The following PPP2R1B variants were observed in gnomAD, a reference collection of about 807,000 sequenced individuals.
PPP2R1B encodes serine/threonine-protein phosphatase 2A 65 kDa regulatory subunit A beta isoform.
In PPP2R1B, 58 loss-of-function variants were observed where a neutral mutation model predicts 72.7. The observed-to-expected ratio is 0.80, with a 90% CI of 0.65 to 0.99. The LOEUF (loss-of-function observed/expected upper bound fraction) is 0.99. Ranked by LOEUF, PPP2R1B falls within the 50% of genes least tolerant of loss-of-function variation. The pLI is 0.00. For missense variants in PPP2R1B, 695 were observed against 733.6 expected (o/e 0.95, Z 0.61); for synonymous variants, 256 against 264.6 (o/e 0.97, Z 0.32).
chr11:111,692,816 GT>G, the PPP2R1B span, among the ~76,000 whole-genome samples: 118 of 145,976 alleles, frequency 8.1e-4, no homozygotes, highest in Middle Eastern at 6.9e-3. Flanking sequence ...TTTTTTCTGG[GT>G]TTTTTTTTTG....
At chr11:111,714,856 C>A in the PPP2R1B span, among the ~76,000 whole-genome samples, 6 of 152,170 alleles carry the variant, frequency 3.9e-5, no homozygotes, top group Non-Finnish European at 8.8e-5. Context: ...TCTGTGGTTG[C>A]TACTACAGTC....
intron 10 of PPP2R1B, among the ~76,000 whole-genome samples, chr11:111,749,063 T>G (rs1250809936): frequency 2.0e-5 from 3 of 152,134 alleles, no homozygotes; most frequent in Non-Finnish European, 4.4e-5. Flanking sequence ...CAGGCTGGTC[T>G]CTTAACTCCT....
At chr11:111,723,588 C>G, downstream of PPP2R1B, 1 of 1,614,216 alleles carries the variant, frequency 6.2e-7, no homozygotes, top group Non-Finnish European at 8.5e-7. Context: ...TACCCACAGC[C>G]AAGTCAGCAG....
chr11:111,738,991 A>G lies in PPP2R1B; in HGVS notation c.*2605T>C. The G allele has an allele frequency of 1.0e-6, 1 of 985,302 alleles. No homozygotes were observed. Among genetic ancestry groups the G allele is most frequent in the Non-Finnish European group, 1.2e-6 (1 of 829,974 alleles). The allele number at this position is 985,302 out of a possible 1,614,324, so 61.0% of individuals were successfully genotyped here. ...TGCCAAGGATGAAAAACAACATTACATGTCTGAAGCAATCAGACAAATCCA... is the reference window on the plus strand; with the variant it reads ...TGCCAAGGATGAAAAACAACATTACGTGTCTGAAGCAATCAGACAAATCCA... On this transcript the variant is annotated 3_prime_UTR_variant, in exon 15 of 15. Transcript: ENST00000527614.
intron 11 of PPP2R1B, among the ~76,000 whole-genome samples, chr11:111,744,998 C>T (rs550289673): frequency 1.3e-5 from 2 of 151,976 alleles, no homozygotes; most frequent in South Asian, 2.1e-4. Context: ...CCTTCCCTGT[C>T]CTCCCCACTA....
chr11:111,742,784 G>A (rs1944570442), intron 12 of PPP2R1B, 119 bp from the exon 13 acceptor site: 1 of 898,042 alleles, frequency 1.1e-6, no homozygotes, highest in Non-Finnish European at 1.6e-6. Context: ...TCTAGTTTGA[G>A]CAGCTGAGTG....
At chr11:111,761,205 A>G in intron 3 of PPP2R1B, 154 bp from the exon 4 acceptor site, 2 of 762,094 alleles carry the variant, frequency 2.6e-6, no homozygotes, top group Non-Finnish European at 4.5e-6. Context: ...TCACACAGTG[A>G]TAACATATGG....
At chr11:111,762,608 T>G (rs1267958560) in intron 3 of PPP2R1B, among the ~76,000 whole-genome samples, 2 of 150,900 alleles carry the variant, frequency 1.3e-5, no homozygotes, top group Admixed American at 1.3e-4. Flanking sequence ...CAGGCTGAAG[T>G]GCAGTGGCAC....
chr11:111,701,026 G>GC, the PPP2R1B span: 4 of 1,611,884 alleles, frequency 2.5e-6, no homozygotes, highest in African/African-American at 5.3e-5. This position sits in a 1 kb window ranked among gnomAD's most constrained non-coding sequence, Gnocchi z 4.2. Context: ...GCTTTGCTTT[G>GC]CTGTGTTGTT....
In PPP2R1B at chr11:111,741,021, C is replaced by T. The variant is rs1457055469; in HGVS notation, c.*575G>A. 1.0e-6 allele frequency: 1 copy of T among 985,648 alleles called. No homozygotes were observed. The highest frequency in any genetic ancestry group is 1.7e-5 in the African/African-American group (1 of 57,230). The allele number at this position is 985,648 out of a possible 1,614,324, so 61.1% of individuals were successfully genotyped here. On this transcript the variant is annotated 3_prime_UTR_variant, in exon 15 of 15. Coordinates refer to ENST00000527614, the MANE Select transcript of PPP2R1B (RefSeq NM_002716.5). ...AAAATTGAGCAAATAAAAACCAAAA[C>T]AACCACTACATTAACCCTGAGCTTC...
chr11:111,726,926 G>C lies in PPP2R1B; in HGVS notation c.*39C>G, dbSNP rs755349475. On this transcript the variant is annotated 3_prime_UTR_variant, in exon 16 of 16. Transcript: ENST00000311129. ...TTCGGCAAAAAGTGCAATATGTGTG[G>C]TACTTTATTTTTTATGTTCTTTTTT... 2.3e-5 allele frequency: 37 copies of C among 1,595,956 alleles called. 1 individual carries two copies. In the South Asian group the frequency reaches 4.1e-4, roughly 18 times the overall value.
intron 3 of PPP2R1B, among the ~76,000 whole-genome samples, chr11:111,764,379 C>A (rs1295563642): frequency 1.3e-5 from 2 of 152,070 alleles, no homozygotes; most frequent in Non-Finnish European, 1.5e-5. Context: ...ACATTGTAAA[C>A]TATGATGTGT....
At chr11:111,700,411 G>C in the PPP2R1B span, among the ~76,000 whole-genome samples, 5 of 152,198 alleles carry the variant, frequency 3.3e-5, no homozygotes, top group African/African-American at 1.2e-4. Flanking sequence ...ACTGCACTCA[G>C]TTGCCTTCAA....
chr11:111,720,418 C>T, the PPP2R1B span: 1 of 1,485,398 alleles, frequency 6.7e-7, no homozygotes. Flanking sequence ...ATGCTTTGTA[C>T]CCTATGTTCC....
At chr11:111,761,261 C>T (rs937520587) in intron 3 of PPP2R1B, 10 of 671,876 alleles carry the variant, frequency 1.5e-5, no homozygotes, top group South Asian at 6.0e-5. Flanking sequence ...GCCAAGATCT[C>T]GTGTCCCAGA....
rs558941349 is a variant in PPP2R1B at position 111,766,268 on chromosome 11, G to T, written c.94C>A (p.Leu32Ile). ...AGTACCTGCACGTCTTCATTGCGGAGCTCGTCGATTAAAACCGCGATCGGG... is the reference window on the plus strand; with the variant it reads ...AGTACCTGCACGTCTTCATTGCGGATCTCGTCGATTAAAACCGCGATCGGG... ...LYPIAVLIDE[L>I]RNEDVQLRLN... Residue 32 changes from leucine to isoleucine, a missense_variant, in exon 1 of 15, where the codon CTC (leucine) becomes ATC (isoleucine). By Grantham distance (5) the Leu-to-Ile change is conservative (BLOSUM62 2). Transcript: ENST00000527614. The T allele has an allele frequency of 5.0e-6, 8 of 1,613,974 alleles. No individual in the cohort carries two copies. Among genetic ancestry groups the T allele is most frequent in the Admixed American group, 1.7e-5 (1 of 60,018 alleles).
At chr11:111,737,356 G>A (rs1025638647), downstream of PPP2R1B, 21 of 1,580,838 alleles carry the variant, frequency 1.3e-5, 1 homozygote, top group South Asian at 9.0e-5. Flanking sequence ...CTGCTTCTCC[G>A]CCTACCCTGT....
In PPP2R1B at chr11:111,738,047, G is replaced by A; in HGVS notation, c.*3549C>T. On this transcript the variant is annotated 3_prime_UTR_variant, in exon 15 of 15. Transcript: ENST00000527614. The stretch of plus-strand genomic sequence containing the variant: ...CTCGTGGAGGCAAACGGGGGACAGT[G>A]AGACTATTCTAGGTACAGAGGACTG... The A allele has an allele frequency of 4.0e-6, 4 of 1,009,956 alleles. No individual in the cohort carries two copies. The highest frequency in any genetic ancestry group is 4.7e-6 in the Non-Finnish European group (4 of 843,226). The allele number at this position is 1,009,956 out of a possible 1,614,324, so 62.6% of individuals were successfully genotyped here. A position where few individuals can be genotyped will look rare whatever the true frequency, so the allele number is the denominator to read the frequency against.
chr11:111,737,330 G>T (rs1398574018), downstream of PPP2R1B: 1 of 1,476,888 alleles, frequency 6.8e-7, no homozygotes. Flanking sequence ...TTCCCCTGGG[G>T]ACAAAGTGAG....
Sources: allele counts gnomAD v4.1 joint callset (sites outside exome capture counted in the v4.1 genomes callset), GRCh38; gene constraint gnomAD v4.1.1; non-coding constraint Gnocchi (gnomAD v3.1); transcripts MANE v1.5; gene names NCBI Gene and HGNC (gene_info 2026-07-23, HGNC 2026-07-21).